BEND3: variants seen among roughly 807,000 people sequenced by gnomAD.
BEND3 encodes BEN domain containing 3.
BEND3 carries 13 observed loss-of-function variants against 60.1 expected under a neutral mutation model. That is an observed-to-expected ratio of 0.22 (90% CI 0.14 to 0.34). The LOEUF is 0.34. Among genes scored for constraint, BEND3 ranks in the 10% least tolerant of loss-of-function variants. The pLI, the probability that BEND3 is intolerant of heterozygous loss-of-function variation, is 1.00. For synonymous variants in BEND3, 497 were observed against 491.5 expected (o/e 1.01, Z -0.15); for missense variants, 896 against 1,138.1 (o/e 0.79, Z 3.06).
chr6:107,085,406 C>G (rs1181430185), intron 3 of BEND3, among the ~76,000 whole-genome samples: 1 of 152,242 alleles, frequency 6.6e-6, no homozygotes, highest in Non-Finnish European at 1.5e-5. Context: ...CCTTCTACTT[C>G]TGGCAGGGGG....
At chr6:107,109,463 G>A (rs1313005130) in intron 1 of BEND3, among the ~76,000 whole-genome samples, 3 of 38,912 alleles carry the variant, frequency 7.7e-5, no homozygotes, top group Admixed American at 5.4e-4. Context: ...AAAAAATCGA[G>A]GTGGGGCAGG....
intron 3 of BEND3, among the ~76,000 whole-genome samples, chr6:107,097,591 GA>G (rs1775611817): frequency 1.3e-5 from 2 of 151,844 alleles, no homozygotes; most frequent in African/African-American, 4.8e-5. Flanking sequence ...GGGAGTTCAA[GA>G]CCAGCTTGGC....
intron 1 of BEND3, among the ~76,000 whole-genome samples, chr6:107,108,200 T>C (rs573338950): frequency 5.3e-5 from 8 of 152,346 alleles, no homozygotes; most frequent in East Asian, 3.9e-4. Context: ...ATCTTCCGCA[T>C]GCAGCCAAGC....
In BEND3 at chr6:107,068,821, C is replaced by T; in HGVS notation, c.2370G>A (p.Val790=). 1.2e-6 allele frequency: 2 copies of T among 1,614,146 alleles called. No homozygotes were observed. Among genetic ancestry groups the T allele is most frequent in the Non-Finnish European group, 1.7e-6 (2 of 1,180,046 alleles). Residue 790 remains valine (V), a synonymous_variant, in exon 4 of 4, where the codon GTG becomes GTA. Coordinates refer to ENST00000369042, the MANE Select transcript of BEND3 (RefSeq NM_001367314.1). This position sits in a 1 kb window ranked among gnomAD's most constrained non-coding sequence, Gnocchi z 5.8. ...AGTGCCACACCTCCTCCATCTTCTC[C>T]ACCGGGTAGACGGCTTCCACGTAGT... ...IRHYVEAVYP[V]EKMEEVWHYE...
chr6:107,107,121 G>A (rs1775833443), intron 1 of BEND3, among the ~76,000 whole-genome samples: 1 of 151,898 alleles, frequency 6.6e-6, no homozygotes, highest in Non-Finnish European at 1.5e-5. Context: ...ATTTTTAGTA[G>A]AGACAGAGTT....
chr6:107,077,044 T>A (rs1275539691), intron 3 of BEND3, among the ~76,000 whole-genome samples: 15 of 152,078 alleles, frequency 9.9e-5, no homozygotes, highest in Admixed American at 9.8e-4. Flanking sequence ...AGAGACCCTG[T>A]ACTTATTTTT....
At chr6:107,072,320 C>A (rs1702471200) in intron 3 of BEND3, among the ~76,000 whole-genome samples, 1 of 152,142 alleles carries the variant, frequency 6.6e-6, no homozygotes, top group African/African-American at 2.4e-5. Context: ...TGGGGTCTTG[C>A]TGGAATGCAG....
chr6:107,099,503 T>C (rs1775660957), intron 1 of BEND3, among the ~76,000 whole-genome samples: 1 of 152,170 alleles, frequency 6.6e-6, no homozygotes, highest in African/African-American at 2.4e-5. Flanking sequence ...GGAGCTCTTC[T>C]CCAAGACTTT....
chr6:107,114,463 G>A (rs1218137946), intron 1 of BEND3: 2 of 151,098 alleles, frequency 1.3e-5, no homozygotes, highest in East Asian at 2.0e-4. Flanking sequence ...CGCCGCCGCG[G>A]GCCGGCCTCG....
At chr6:107,106,270 T>C (rs1439109591) in intron 1 of BEND3, 2 of 148,514 alleles carry the variant, frequency 1.3e-5, no homozygotes, top group African/African-American at 5.0e-5. Context: ...CTTGTGCAGA[T>C]AGGGAACGGG....
At position 107,069,426 on chromosome 6, in the gene BEND3, C is replaced by T. The variant is rs782487283; in HGVS notation, c.1765G>A (p.Glu589Lys). ...CAGTTGTACTGCTTGCGCAGGTTCT[C>T]GTGCGTGAAGAGCTCGGGGAACAGG... Reference protein sequence around the residue: ...VHLFPELFTHENLRKQYNCSG... With the variant: ...VHLFPELFTHKNLRKQYNCSG... The change falls in exon 4 of 4, where the codon GAG (glutamate) becomes AAG (lysine). Residue 589 changes from glutamate (E) to lysine (K), a missense_variant. Physicochemically the swap from Glu to Lys is moderately conservative, Grantham distance 56 (BLOSUM62 1). Transcript: ENST00000369042. The T allele has an allele frequency of 9.9e-6, 16 of 1,612,472 alleles. No individual in the cohort carries two copies. The highest frequency in any genetic ancestry group is 2.2e-5 in the East Asian group (1 of 44,878).
chr6:107,105,860 G>A (rs533379793), intron 1 of BEND3, among the ~76,000 whole-genome samples: 1 of 152,326 alleles, frequency 6.6e-6, no homozygotes, highest in African/African-American at 2.4e-5. Context: ...ACCCCTAAGA[G>A]CTGTTTCCAG....
chr6:107,110,010 GAC>G (rs1368558338), intron 1 of BEND3, among the ~76,000 whole-genome samples: 2 of 145,224 alleles, frequency 1.4e-5, no homozygotes, highest in Non-Finnish European at 3.0e-5. Context: ...CATCCTGGGT[GAC>G]AGAGTGAGAC....
At chr6:107,099,129 G>A (rs1775651630) in intron 2 of BEND3, 120 bp downstream of exon 2, 2 of 772,304 alleles carry the variant, frequency 2.6e-6, no homozygotes, top group Non-Finnish European at 4.4e-6. Context: ...GGGAACAAGT[G>A]TGTGGGTGGA....
chr6:107,104,238 C>T (rs1449029754), intron 1 of BEND3, among the ~76,000 whole-genome samples: 2 of 149,528 alleles, frequency 1.3e-5, no homozygotes, highest in Non-Finnish European at 3.0e-5. Context: ...TGCAGTGAGC[C>T]GAGATCGCGC....
At chr6:107,083,437 T>A (rs1167744594) in intron 3 of BEND3, among the ~76,000 whole-genome samples, 2 of 151,742 alleles carry the variant, frequency 1.3e-5, no homozygotes, top group African/African-American at 4.8e-5. Flanking sequence ...CTGGGCAACA[T>A]GGCCAAACCC....
chr6:107,094,502 T>C (rs1775541536), intron 3 of BEND3, among the ~76,000 whole-genome samples: 1 of 151,898 alleles, frequency 6.6e-6, no homozygotes, highest in South Asian at 2.1e-4. Flanking sequence ...GTGCCTGTAA[T>C]TCCAGCTACT....
chr6:107,089,347 C>T (rs1045608860), intron 3 of BEND3, among the ~76,000 whole-genome samples: 1 of 151,828 alleles, frequency 6.6e-6, no homozygotes, highest in South Asian at 2.1e-4. Flanking sequence ...CTTTGGGAGG[C>T]CAAGGCAGGC....
intron 3 of BEND3, among the ~76,000 whole-genome samples, chr6:107,081,311 CCCAGGTTCAA>C (rs1288681174): frequency 6.6e-6 from 1 of 151,646 alleles, no homozygotes; most frequent in African/African-American, 2.4e-5. Context: ...ACCTCCACCT[CCCAGGTTCAA>C]GCAATTCTCC....
Sources: allele counts gnomAD v4.1 joint callset (sites outside exome capture counted in the v4.1 genomes callset), GRCh38; gene constraint gnomAD v4.1.1; non-coding constraint Gnocchi (gnomAD v3.1); transcripts MANE v1.5; gene names NCBI Gene and HGNC (gene_info 2026-07-23, HGNC 2026-07-21).